The following TENM4 variants were observed in gnomAD, a reference collection of about 807,000 sequenced individuals.
The protein encoded by TENM4 is teneurin-4.
In TENM4, 82 loss-of-function variants were observed where a neutral mutation model predicts 243.3. That is an observed-to-expected ratio of 0.34 (90% CI 0.28 to 0.40). The LOEUF is 0.40. TENM4 is among the 10% of genes least tolerant of loss of function. The pLI is 1.00. For missense variants in TENM4, 3,138 were observed against 3,673.3 expected (o/e 0.85, Z 3.77); for synonymous variants, 1,412 against 1,456.3 (o/e 0.97, Z 0.69).
intron 6 of TENM4, among the ~76,000 whole-genome samples, chr11:79,063,879 C>T (rs994264319): frequency 1.3e-5 from 2 of 152,164 alleles, no homozygotes; most frequent in African/African-American, 2.4e-5. Flanking sequence ...GCAGCTGGCA[C>T]GTCCTGGGAT....
At chr11:78,951,771 T>C (rs1446316551) in intron 6 of TENM4, among the ~76,000 whole-genome samples, 2 of 152,164 alleles carry the variant, frequency 1.3e-5, no homozygotes, top group African/African-American at 2.4e-5. Flanking sequence ...AAAGGCCTTA[T>C]CTCTGATGCC....
chr11:78,776,111 G>GA (rs1856734253), intron 17 of TENM4, among the ~76,000 whole-genome samples: 1 of 152,034 alleles, frequency 6.6e-6, no homozygotes, highest in East Asian at 1.9e-4. Context: ...TTACCTAGAT[G>GA]ACAGCAATAG....
At chr11:78,925,529 A>T (rs1856534263) in intron 6 of TENM4, among the ~76,000 whole-genome samples, 1 of 152,114 alleles carries the variant, frequency 6.6e-6, no homozygotes, top group Admixed American at 6.5e-5. Flanking sequence ...ACAAACTCCC[A>T]CCCAAGTGTG....
chr11:78,689,480 T>C (rs550647053), intron 28 of TENM4, among the ~76,000 whole-genome samples: 87 of 152,076 alleles, frequency 5.7e-4, no homozygotes, highest in African/African-American at 2.0e-3. Context: ...CTGGCTTTTT[T>C]TTTTTAAACT....
chr11:78,892,643 TA>T (rs1228948075), intron 7 of TENM4, among the ~76,000 whole-genome samples: 1 of 152,236 alleles, frequency 6.6e-6, no homozygotes, highest in Non-Finnish European at 1.5e-5. Context: ...GTACTAATGC[TA>T]AGTATAATAG....
intron 3 of TENM4, among the ~76,000 whole-genome samples, chr11:79,211,298 G>T (rs937383683): frequency 1.3e-5 from 2 of 152,162 alleles, no homozygotes; most frequent in South Asian, 2.1e-4. Context: ...TGTCCCCTCT[G>T]TACTGAGACT....
chr11:78,658,192 G>A lies in TENM4; in HGVS notation c.8176C>T (p.Gln2726Ter), dbSNP rs763503091. The change falls in exon 34 of 34, where the codon CAG (glutamine) becomes TAG (stop). Residue 2726 changes from glutamine to a stop codon, truncating the protein, a stop_gained. Transcript: ENST00000278550. LOFTEE classifies it high-confidence loss of function. Reference protein sequence around the residue: ...GLRAWTEGEKQQVLSTGRVQG... With the variant: ...GLRAWTEGEK ...ACCCGCCCTGTGCTCAGCACCTGCT[G>A]CTTCTCCCCCTCTGTCCAGGCCCGC... 6.2e-6 allele frequency: 10 copies of A among 1,613,928 alleles called. No individual in the cohort carries two copies. The highest frequency in any genetic ancestry group is 2.7e-5 in the African/African-American group (2 of 74,940).
Position 78,670,137 on chromosome 11 carries a change from G to A in TENM4, c.6208C>T (p.Arg2070Cys), listed in dbSNP as rs761034390. ...IGPLIDRQIF[R>C]FTEEGMVNAR... ...TTGACCATGCCTTCCTCAGTGAAGC[G>A]GAAGATCTGTCGGTCAATCAGGGGC... The change falls in exon 32 of 34, where the codon CGC (arginine) becomes TGC (cysteine). Residue 2070 changes from arginine (R) to cysteine (C), a missense_variant. This residue lies in a region of TENM4 where 2,467 missense variants were observed against 3,059.1 expected (regional missense o/e 0.81). Transcript: ENST00000278550. 1.3e-5 allele frequency: 21 copies of A among 1,613,816 alleles called. No homozygotes were observed. The highest frequency in any genetic ancestry group is 2.7e-5 in the African/African-American group (2 of 74,906).
intron 16 of TENM4, among the ~76,000 whole-genome samples, chr11:78,781,438 C>G (rs1321718971): frequency 6.6e-6 from 1 of 152,176 alleles, no homozygotes; most frequent in Non-Finnish European, 1.5e-5. Flanking sequence ...AATAAAGGTA[C>G]TATAGCTATT....
intron 18 of TENM4, among the ~76,000 whole-genome samples, 190 bp from the exon 19 acceptor site, chr11:78,757,211 T>A (rs759601302): frequency 6.6e-6 from 1 of 152,224 alleles, no homozygotes; most frequent in Non-Finnish European, 1.5e-5. Context: ...AGCTCACTAG[T>A]CTAGAAGGAG....
intron 2 of TENM4, among the ~76,000 whole-genome samples, chr11:79,222,713 G>T (rs1413253658): frequency 6.6e-6 from 1 of 152,146 alleles, no homozygotes; most frequent in Non-Finnish European, 1.5e-5. Context: ...GGTGTGAGAT[G>T]GTATCTCATT....
chr11:78,986,908 A>T (rs1214372441), intron 6 of TENM4, among the ~76,000 whole-genome samples: 1 of 152,166 alleles, frequency 6.6e-6, no homozygotes, highest in African/African-American at 2.4e-5. Context: ...CAAATCACTT[A>T]ACCTCTGTGA....
At chr11:78,939,069 C>T (rs1259936853) in intron 6 of TENM4, among the ~76,000 whole-genome samples, 14 of 152,182 alleles carry the variant, frequency 9.2e-5, no homozygotes, top group South Asian at 4.1e-4. Flanking sequence ...TGATTCCACA[C>T]GGCTGCAGTG....
chr11:79,170,912 G>A (rs1321931497), intron 3 of TENM4, among the ~76,000 whole-genome samples: 2 of 152,106 alleles, frequency 1.3e-5, no homozygotes, highest in Non-Finnish European at 2.9e-5. Context: ...TGGGGAAGAG[G>A]AACTAGGGAA....
intron 1 of TENM4, among the ~76,000 whole-genome samples, chr11:79,388,996 G>A (rs1044304420): frequency 3.3e-5 from 5 of 152,216 alleles, no homozygotes; most frequent in Non-Finnish European, 5.9e-5. Context: ...GCCAGGAAAA[G>A]AGGTTGGAGA....
At chr11:78,747,104 G>C (rs1856067249) in intron 19 of TENM4, among the ~76,000 whole-genome samples, 1 of 152,228 alleles carries the variant, frequency 6.6e-6, no homozygotes, top group Non-Finnish European at 1.5e-5. Context: ...GCAATACACA[G>C]CTGGCCTGTA....
At chr11:79,390,053 GGC>G (rs1300298286) in intron 1 of TENM4, among the ~76,000 whole-genome samples, 2 of 152,236 alleles carry the variant, frequency 1.3e-5, no homozygotes, top group African/African-American at 4.8e-5. Flanking sequence ...GGGACAGGGA[GGC>G]CAGGGAAGCA....
intron 3 of TENM4, among the ~76,000 whole-genome samples, chr11:79,211,295 T>C (rs927406916): frequency 6.6e-6 from 1 of 152,170 alleles, no homozygotes; most frequent in African/African-American, 2.4e-5. Flanking sequence ...TCCTGTCCCC[T>C]CTGTACTGAG....
At chr11:79,358,242 A>C (rs1444269455) in intron 1 of TENM4, among the ~76,000 whole-genome samples, 2 of 152,226 alleles carry the variant, frequency 1.3e-5, no homozygotes, top group Non-Finnish European at 2.9e-5. Flanking sequence ...TAGGATTGAC[A>C]ATTTCAGGAA....
Sources: gnomAD v4.1 joint callset for allele counts (sites outside exome capture counted in the v4.1 genomes callset) on GRCh38, gnomAD v4.1.1 for gene constraint, gnomAD v4.1.1 regional missense constraint, MANE v1.5 for transcripts, NCBI Gene and HGNC (gene_info 2026-07-23, HGNC 2026-07-21) for gene names.